RBFOX1: variants seen among roughly 807,000 people sequenced by gnomAD.
RBFOX1 encodes RNA binding fox-1 homolog 1.
A neutral mutation model predicts 57.7 loss-of-function variants in RBFOX1; 8 were observed. The ratio of observed to expected loss-of-function variants is 0.14; its 90% confidence interval spans 0.08 to 0.25. RBFOX1 has a LOEUF of 0.25. RBFOX1 is among the 10% of genes least tolerant of loss of function. The pLI, the probability that RBFOX1 is intolerant of heterozygous loss-of-function variation, is 1.00. For synonymous variants in RBFOX1, 326 were observed against 222.4 expected (o/e 1.47, Z -4.15); for missense variants, 611 against 548.5 (o/e 1.11, Z -1.14).
At chr16:7,282,685 G>T (rs141209230) in intron 4 of RBFOX1, among the ~76,000 whole-genome samples, 1 of 152,186 alleles carries the variant, frequency 6.6e-6, no homozygotes, top group East Asian at 1.9e-4. Context: ...CATCACCTGA[G>T]CAGTATACAC....
chr16:6,077,314 A>G (rs2095918303), intron 1 of RBFOX1, among the ~76,000 whole-genome samples: 1 of 82,622 alleles, frequency 1.2e-5, no homozygotes, highest in Non-Finnish European at 3.3e-5. Flanking sequence ...TTCTTGCTTT[A>G]GGTGTTAAAA....
chr16:6,287,913 T>C (rs4255786), intron 1 of RBFOX1, among the ~76,000 whole-genome samples: 24,311 of 152,170 alleles, frequency 0.16, 2,309 homozygotes, highest in Non-Finnish European at 0.2. Context: ...TACCCATGCT[T>C]TCCTGTCCTA....
chr16:5,958,375 G>A (rs542088640), intron 4 of RBFOX1, among the ~76,000 whole-genome samples: 9 of 152,248 alleles, frequency 5.9e-5, no homozygotes, highest in African/African-American at 2.2e-4. Context: ...TGTTGTCTGT[G>A]CTCTTGCCTG....
rs186030157 is a variant in RBFOX1, at chr16:7,276,401, G to A, written c.27+224303G>A. Reference sequence around the variant, plus strand: ...AGAAAAAACAAGGCTAGACCCTGAAGAGCCTGGACATCCATTAGAATGACA... The same window carrying A: ...AGAAAAAACAAGGCTAGACCCTGAAAAGCCTGGACATCCATTAGAATGACA... On this transcript the variant is annotated intron_variant, in intron 4 of 15. Coordinates refer to ENST00000550418, the MANE Select transcript of RBFOX1 (RefSeq NM_018723.4). 1.1e-3 allele frequency among the ~76,000 whole-genome samples: 165 copies of A among 152,332 alleles called. 1 individual carries two copies. The highest frequency in any genetic ancestry group is 1.9e-3 in the Non-Finnish European group (131 of 68,032).
At chr16:5,885,835 G>C (rs11076985) in intron 4 of RBFOX1, among the ~76,000 whole-genome samples, 74,930 of 151,932 alleles carry the variant, frequency 0.49, 20,142 homozygotes, top group African/African-American at 0.72. Context: ...GCTCTGAACT[G>C]TTCCACCTAC....
At chr16:6,227,997 A>T (rs959188338) in intron 1 of RBFOX1, among the ~76,000 whole-genome samples, 1 of 152,158 alleles carries the variant, frequency 6.6e-6, no homozygotes. Flanking sequence ...TCCTGTGTTT[A>T]TTGCAGCACT....
intron 3 of RBFOX1, among the ~76,000 whole-genome samples, chr16:6,901,938 A>G (rs553850986): frequency 2.6e-5 from 4 of 152,170 alleles, no homozygotes; most frequent in Non-Finnish European, 4.4e-5. Flanking sequence ...ATTTTTTTTC[A>G]TGTCAGAAAA....
intron 3 of RBFOX1, among the ~76,000 whole-genome samples, chr16:7,014,105 T>C (rs1470276396): frequency 1.3e-5 from 2 of 152,200 alleles, no homozygotes; most frequent in African/African-American, 2.4e-5. Context: ...GGCCGATTTA[T>C]TGGGACAGGC....
intron 4 of RBFOX1, among the ~76,000 whole-genome samples, chr16:7,480,452 C>T (rs558285026): frequency 1.4e-3 from 214 of 152,280 alleles, no homozygotes; most frequent in Non-Finnish European, 2.3e-3. Context: ...ATGCAATAGA[C>T]ATTTGAGAAC....
intron 4 of RBFOX1, among the ~76,000 whole-genome samples, chr16:7,350,278 G>T (rs1317466864): frequency 6.6e-5 from 10 of 152,196 alleles, no homozygotes; most frequent in African/African-American, 2.4e-4. Context: ...GTATGGGAAA[G>T]AGGTCTAAGG....
chr16:7,392,358 C>T (rs1048709420), intron 4 of RBFOX1, among the ~76,000 whole-genome samples: 1 of 152,114 alleles, frequency 6.6e-6, no homozygotes, highest in Non-Finnish European at 1.5e-5. Flanking sequence ...TGGACAATGG[C>T]CTGTTTCCTC....
chr16:7,432,365 T>C (rs2098688931), intron 4 of RBFOX1, among the ~76,000 whole-genome samples: 1 of 152,178 alleles, frequency 6.6e-6, no homozygotes, highest in Non-Finnish European at 1.5e-5. Context: ...CTTTACTCTT[T>C]GAAAAATTTA....
chr16:6,878,513 T>C (rs552949413), intron 3 of RBFOX1, among the ~76,000 whole-genome samples: 26 of 152,308 alleles, frequency 1.7e-4, no homozygotes, highest in African/African-American at 5.1e-4. Context: ...AAATAAACTT[T>C]TGTTATTCCT....
At chr16:7,404,666 T>G (rs1273538703) in intron 4 of RBFOX1, among the ~76,000 whole-genome samples, 1 of 152,066 alleles carries the variant, frequency 6.6e-6, no homozygotes, top group African/African-American at 2.4e-5. Flanking sequence ...TGGAAATAGG[T>G]AGCAAGTCTG....
chr16:6,246,266 C>G (rs562945021), intron 1 of RBFOX1, among the ~76,000 whole-genome samples: 2 of 152,196 alleles, frequency 1.3e-5, no homozygotes, highest in Admixed American at 6.5e-5. Flanking sequence ...GACATTCTCT[C>G]TTGCCAATAT....
intron 3 of RBFOX1, among the ~76,000 whole-genome samples, chr16:5,793,041 C>G (rs999543666): frequency 6.6e-6 from 1 of 152,222 alleles, no homozygotes; most frequent in African/African-American, 2.4e-5. Context: ...GCAGTTCAAA[C>G]CCACGTTGTG....
At chr16:7,160,384 C>T (rs2078057411) in intron 4 of RBFOX1, among the ~76,000 whole-genome samples, 1 of 152,086 alleles carries the variant, frequency 6.6e-6, no homozygotes, top group Admixed American at 6.6e-5. Context: ...TTCTTCTTCT[C>T]TTCTGTACTT....
intron 3 of RBFOX1, among the ~76,000 whole-genome samples, chr16:5,619,595 G>A (rs1052027428): frequency 5.9e-4 from 90 of 152,314 alleles, no homozygotes; most frequent in African/African-American, 2.0e-3. Flanking sequence ...CATCAGCTGT[G>A]AGTGACCCTT....
intron 3 of RBFOX1, among the ~76,000 whole-genome samples, chr16:5,627,275 C>T (rs80042328): frequency 6.6e-6 from 1 of 152,142 alleles, no homozygotes; most frequent in Non-Finnish European, 1.5e-5. Flanking sequence ...AAGATTTTCT[C>T]ATGTTATTGG....
Sources: gnomAD v4.1 joint callset for allele counts (sites outside exome capture counted in the v4.1 genomes callset) on GRCh38, gnomAD v4.1.1 for gene constraint, MANE v1.5 for transcripts, NCBI Gene and HGNC (gene_info 2026-07-23, HGNC 2026-07-21) for gene names.